The following NAV3 variants were observed in gnomAD, a reference collection of about 807,000 sequenced individuals.
NAV3 encodes pore membrane and/or filament interacting like protein 1.
NAV3 carries 87 observed loss-of-function variants against 244.7 expected under a neutral mutation model. That is an observed-to-expected ratio of 0.36 (90% CI 0.30 to 0.42). The LOEUF is 0.42. NAV3 is among the 20% of genes least tolerant of loss of function. The pLI, the probability that NAV3 is intolerant of heterozygous loss-of-function variation, is 1.00. For synonymous variants in NAV3, 1,126 were observed against 1,042.2 expected (o/e 1.08, Z -1.55); for missense variants, 2,663 against 2,893.3 (o/e 0.92, Z 1.83).
intron 14 of NAV3, among the ~76,000 whole-genome samples, chr12:78,118,498 A>G (rs1035412444): frequency 2.0e-5 from 3 of 152,226 alleles, no homozygotes; most frequent in Admixed American, 2.0e-4. Flanking sequence ...ATATCTAGGC[A>G]TTCTCTGGAA....
chr12:77,640,263 G>A (rs1872350220), intron 2 of NAV3, among the ~76,000 whole-genome samples: 1 of 152,120 alleles, frequency 6.6e-6, no homozygotes, highest in African/African-American at 2.4e-5. Flanking sequence ...GAGAGAGAGA[G>A]TGTGTGTAAG....
intron 2 of NAV3, among the ~76,000 whole-genome samples, chr12:77,575,541 G>T (rs994508122): frequency 8.6e-5 from 13 of 152,046 alleles, no homozygotes; most frequent in African/African-American, 3.1e-4. Flanking sequence ...ACCTTTGTTT[G>T]CACAATCAAA....
At chr12:77,709,561 T>C (rs1376353720) in intron 2 of NAV3, among the ~76,000 whole-genome samples, 1 of 152,202 alleles carries the variant, frequency 6.6e-6, no homozygotes, top group African/African-American at 2.4e-5. Flanking sequence ...AGGAATCATA[T>C]CAAACAGTGT....
At chr12:77,962,446 C>T (rs1310565748) in intron 3 of NAV3, among the ~76,000 whole-genome samples, 1 of 152,084 alleles carries the variant, frequency 6.6e-6, no homozygotes, top group African/African-American at 2.4e-5. Context: ...AGACTTCATC[C>T]TTCTTGTGAT....
At chr12:77,846,059 A>G (rs1460473391) in intron 1 of NAV3, among the ~76,000 whole-genome samples, 1 of 152,200 alleles carries the variant, frequency 6.6e-6, no homozygotes, top group African/African-American at 2.4e-5. Flanking sequence ...CATATCTCCA[A>G]TTCCGGATGA....
intron 2 of NAV3, among the ~76,000 whole-genome samples, chr12:77,794,336 A>C (rs1002064540): frequency 2.6e-5 from 4 of 152,140 alleles, no homozygotes; most frequent in Admixed American, 6.5e-5. Flanking sequence ...TGTCAGTAAC[A>C]TATTGATCAA....
At chr12:77,862,929 T>C (rs893097879) in intron 1 of NAV3, among the ~76,000 whole-genome samples, 1 of 151,690 alleles carries the variant, frequency 6.6e-6, no homozygotes, top group Non-Finnish European at 1.5e-5. Flanking sequence ...TTCACTCATC[T>C]TGAAAAAAAA....
chr12:77,599,636 A>G (rs1297807071), intron 2 of NAV3, among the ~76,000 whole-genome samples: 2 of 151,882 alleles, frequency 1.3e-5, no homozygotes, highest in African/African-American at 2.4e-5. Flanking sequence ...TGTGTGATAT[A>G]TATGTGTTCA....
chr12:78,139,300 G>A (rs537448184), intron 19 of NAV3, among the ~76,000 whole-genome samples: 9 of 152,062 alleles, frequency 5.9e-5, no homozygotes, highest in South Asian at 2.1e-4. Context: ...TATTCCAGCC[G>A]TCTCCTGATC....
At chr12:77,855,768 A>G (rs1878306657) in intron 1 of NAV3, among the ~76,000 whole-genome samples, 1 of 152,232 alleles carries the variant, frequency 6.6e-6, no homozygotes, top group Non-Finnish European at 1.5e-5. Flanking sequence ...GCCGACAGCT[A>G]GCTAATGCCA....
chr12:78,066,260 G>A (rs960209046), intron 12 of NAV3, among the ~76,000 whole-genome samples: 4 of 152,010 alleles, frequency 2.6e-5, no homozygotes, highest in Non-Finnish European at 5.9e-5. Flanking sequence ...TTTAATGAAA[G>A]GAAGGGGATC....
At chr12:77,994,290 T>A (rs1389177049) in intron 5 of NAV3, among the ~76,000 whole-genome samples, 1 of 152,250 alleles carries the variant, frequency 6.6e-6, no homozygotes, top group East Asian at 1.9e-4. Flanking sequence ...CAATAACTTA[T>A]TAGACAGAAA....
chr12:78,076,476 G>A (rs927186905), intron 12 of NAV3, among the ~76,000 whole-genome samples: 3 of 152,008 alleles, frequency 2.0e-5, no homozygotes, highest in Non-Finnish European at 2.9e-5. Flanking sequence ...TCCCAGAATC[G>A]AATGCAGTTC....
intron 7 of NAV3, among the ~76,000 whole-genome samples, chr12:78,005,777 G>A (rs1874097437): frequency 6.6e-6 from 1 of 152,190 alleles, no homozygotes; most frequent in African/African-American, 2.4e-5. Flanking sequence ...TTAGGAATAT[G>A]AGCCCTTCCC....
At chr12:77,835,299 T>G (rs552238933) in intron 1 of NAV3, among the ~76,000 whole-genome samples, 17 of 152,250 alleles carry the variant, frequency 1.1e-4, no homozygotes, top group Non-Finnish European at 2.2e-4. Flanking sequence ...TGTGCTCAGC[T>G]AAGAATTATG....
At chr12:77,878,836 T>G (rs1882218547) in intron 1 of NAV3, among the ~76,000 whole-genome samples, 1 of 152,086 alleles carries the variant, frequency 6.6e-6, no homozygotes, top group Admixed American at 6.6e-5. Context: ...CTTGAAATAG[T>G]CTTTGGCAGT....
At chr12:77,892,981 T>A (rs1490407922) in intron 1 of NAV3, among the ~76,000 whole-genome samples, 3 of 152,110 alleles carry the variant, frequency 2.0e-5, no homozygotes, top group Non-Finnish European at 2.9e-5. Context: ...AAATTACGAG[T>A]TTCATGAGAT....
intron 2 of NAV3, among the ~76,000 whole-genome samples, chr12:77,711,383 A>T (rs1416615590): frequency 6.6e-6 from 1 of 152,172 alleles, no homozygotes. Context: ...AGTCTTTGTT[A>T]TTCCTGTTAT....
intron 2 of NAV3, among the ~76,000 whole-genome samples, chr12:77,616,235 C>T (rs551586578): frequency 7.3e-5 from 11 of 151,610 alleles, no homozygotes; most frequent in East Asian, 2.0e-4. Context: ...GGTGAAACCC[C>T]GTCTCTACTA....
Sources: allele counts gnomAD v4.1 joint callset (sites outside exome capture counted in the v4.1 genomes callset), GRCh38; gene constraint gnomAD v4.1.1; transcripts MANE v1.5; gene names NCBI Gene and HGNC (gene_info 2026-07-23, HGNC 2026-07-21).